ST6GALNAC3: variants seen among roughly 807,000 people sequenced by gnomAD.
ST6GALNAC3 encodes the protein alpha-N-acetylgalactosaminide alpha-2,6-sialyltransferase 3.
Under a neutral mutation model 32.7 loss-of-function variants are expected in ST6GALNAC3, and 25 were observed. The observed-to-expected ratio is 0.76, with a 90% CI of 0.56 to 1.07. The LOEUF is 1.07. Ranked by LOEUF, ST6GALNAC3 falls within the 50% of genes least tolerant of loss-of-function variation. The probability of loss-of-function intolerance (pLI) is 0.00; values close to 1 mark genes in which losing one functional copy is unlikely to be tolerated. For missense variants in ST6GALNAC3, 355 were observed against 382.4 expected (o/e 0.93, Z 0.60); for synonymous variants, 129 against 133.1 (o/e 0.97, Z 0.21).
At chr1:76,438,152 CTT>C (rs201668914) in intron 3 of ST6GALNAC3, among the ~76,000 whole-genome samples, 4 of 144,858 alleles carry the variant, frequency 2.8e-5, no homozygotes, top group Admixed American at 6.9e-5. Flanking sequence ...CATATTCTGA[CTT>C]TTTTTTTTTT....
At chr1:76,270,199 C>T (rs1268093561) in intron 1 of ST6GALNAC3, among the ~76,000 whole-genome samples, 1 of 152,124 alleles carries the variant, frequency 6.6e-6, no homozygotes, top group Non-Finnish European at 1.5e-5. Flanking sequence ...GGTATATTTA[C>T]TTGACAAAAT....
At chr1:76,208,481 T>C (rs1654957698) in intron 1 of ST6GALNAC3, among the ~76,000 whole-genome samples, 2 of 152,234 alleles carry the variant, frequency 1.3e-5, no homozygotes, top group African/African-American at 4.8e-5. Context: ...ACTTAAACCA[T>C]GTGCCTCTGT....
chr1:76,318,115 TAA>T (rs922734703), intron 2 of ST6GALNAC3, among the ~76,000 whole-genome samples: 8 of 128,798 alleles, frequency 6.2e-5, no homozygotes, highest in South Asian at 2.5e-4. Context: ...AAAATTAAAA[TAA>T]AAGGAACACA....
chr1:76,268,427 T>A (rs1487512936), intron 1 of ST6GALNAC3, among the ~76,000 whole-genome samples: 1 of 152,190 alleles, frequency 6.6e-6, no homozygotes, highest in Non-Finnish European at 1.5e-5. Flanking sequence ...CCAGGGGGAC[T>A]GAGACTGCCA....
At chr1:76,183,205 T>C (rs1052477135) in intron 1 of ST6GALNAC3, among the ~76,000 whole-genome samples, 3 of 152,192 alleles carry the variant, frequency 2.0e-5, no homozygotes, top group African/African-American at 7.2e-5. Context: ...TCTTTGTAGA[T>C]TGACTCATCT....
At chr1:76,300,579 A>G (rs964707640) in intron 1 of ST6GALNAC3, among the ~76,000 whole-genome samples, 1 of 152,028 alleles carries the variant, frequency 6.6e-6, no homozygotes, top group Non-Finnish European at 1.5e-5. Flanking sequence ...GCCTAAGGAC[A>G]GCTAAGTGCT....
chr1:76,487,247 C>T lies in ST6GALNAC3; in HGVS notation c.623+74830C>T, dbSNP rs143787711. Reference sequence around the variant, plus strand: ...AGGAGTATCTTTGTGGTGTTTTCTGCATTTCCTGAATTTGAATGTTGGCCT... The same window carrying T: ...AGGAGTATCTTTGTGGTGTTTTCTGTATTTCCTGAATTTGAATGTTGGCCT... On this transcript the variant is annotated intron_variant, in intron 3 of 4. Transcript: ENST00000328299. Among the ~76,000 whole-genome samples, 416 of 152,156 alleles carry T rather than the reference C, an allele frequency of 2.7e-3. 1 individual carries two copies. Among genetic ancestry groups the T allele is most frequent in the African/African-American group, 9.6e-3 (400 of 41,518 alleles).
intron 3 of ST6GALNAC3, among the ~76,000 whole-genome samples, chr1:76,513,047 T>G (rs769409912): frequency 6.6e-6 from 1 of 152,150 alleles, no homozygotes; most frequent in Non-Finnish European, 1.5e-5. Flanking sequence ...TTGTCGAATG[T>G]ATAGTTTACA....
chr1:76,570,886 T>C (rs770188542), intron 3 of ST6GALNAC3, among the ~76,000 whole-genome samples: 1 of 152,022 alleles, frequency 6.6e-6, no homozygotes, highest in Non-Finnish European at 1.5e-5. Flanking sequence ...TGTCCTTAGG[T>C]GCCACTTCTT....
chr1:76,352,824 A>T (rs540482701), intron 2 of ST6GALNAC3, among the ~76,000 whole-genome samples: 1 of 152,142 alleles, frequency 6.6e-6, no homozygotes. Flanking sequence ...CCATTCACTC[A>T]GTTTCTTAAG....
chr1:76,189,605 C>T (rs143837069), intron 1 of ST6GALNAC3, among the ~76,000 whole-genome samples: 1 of 151,968 alleles, frequency 6.6e-6, no homozygotes. Context: ...AAGAGTAAAT[C>T]CAATAACAAC....
At chr1:76,426,892 T>C (rs1351134250) in intron 3 of ST6GALNAC3, among the ~76,000 whole-genome samples, 1 of 151,686 alleles carries the variant, frequency 6.6e-6, no homozygotes, top group Non-Finnish European at 1.5e-5. Context: ...CATCTCTGAC[T>C]GAAATGTCAC....
rs187195490 is a variant in ST6GALNAC3 at position 76,630,335 on chromosome 1, C to T, written c.*1529C>T. Reference sequence around the variant, plus strand: ...GTTTTTCTATATACGTATATATACACGTGTGGTTCTATTTAGGTGGGGAAA... The same window carrying T: ...GTTTTTCTATATACGTATATATACATGTGTGGTTCTATTTAGGTGGGGAAA... On this transcript the variant is annotated 3_prime_UTR_variant, in exon 5 of 5. Transcript: ENST00000328299. 5.3e-5 allele frequency: 52 copies of T among 984,922 alleles called. No homozygotes were observed. Among genetic ancestry groups the T allele is most frequent in the Admixed American group, 2.5e-4 (4 of 16,228 alleles). 61.0% of individuals were successfully genotyped at this position (984,922 alleles called of 1,614,324 possible). A position where few individuals can be genotyped will look rare whatever the true frequency, so the allele number is the denominator to read the frequency against.
intron 2 of ST6GALNAC3, among the ~76,000 whole-genome samples, chr1:76,373,120 G>A (rs1041576941): frequency 8.6e-5 from 13 of 151,972 alleles, no homozygotes; most frequent in Non-Finnish European, 5.9e-5. Flanking sequence ...GATAACAGAT[G>A]GTAACAGGAA....
At position 76,525,787 on chromosome 1, in the gene ST6GALNAC3, GTGTGTATATA is replaced by G. The variant is rs1303192526; in HGVS notation, c.624-101663_624-101654del. 7.3e-3 allele frequency among the ~76,000 whole-genome samples: 519 copies of G among 71,380 alleles called. 8 individuals are homozygous for G. Among genetic ancestry groups the G allele is most frequent in the Admixed American group, 0.046 (291 of 6,314 alleles). 46.8% of individuals were successfully genotyped at this position (71,380 alleles called of 152,430 possible). A position where few individuals can be genotyped will look rare whatever the true frequency, so the allele number is the denominator to read the frequency against. ...TATGTGTGTTTGTGTGTGTGTGTGT[GTGTGTATATA>G]TATATATATATATATATATATATAT... On this transcript the variant is annotated intron_variant, in intron 3 of 4. Coordinates refer to ENST00000328299, the MANE Select transcript of ST6GALNAC3 (RefSeq NM_152996.4).
At chr1:76,251,920 T>A (rs1657640455) in intron 1 of ST6GALNAC3, among the ~76,000 whole-genome samples, 4 of 152,114 alleles carry the variant, frequency 2.6e-5, no homozygotes, top group African/African-American at 9.7e-5. Context: ...AGGAAGGAAT[T>A]TGCTGAACTA....
At chr1:76,525,379 T>C (rs562096979) in intron 3 of ST6GALNAC3, among the ~76,000 whole-genome samples, 14 of 152,180 alleles carry the variant, frequency 9.2e-5, no homozygotes, top group Non-Finnish European at 1.6e-4. Flanking sequence ...CTTTTTGCAA[T>C]TCAAATATAC....
At chr1:76,075,754 T>C (rs2100706312) in intron 1 of ST6GALNAC3, among the ~76,000 whole-genome samples, 1 of 151,978 alleles carries the variant, frequency 6.6e-6, no homozygotes, top group African/African-American at 2.4e-5. Flanking sequence ...ATAACCTGGA[T>C]GCATGAATCA....
intron 3 of ST6GALNAC3, among the ~76,000 whole-genome samples, chr1:76,564,550 C>T (rs1010299330): frequency 2.0e-5 from 3 of 151,146 alleles, no homozygotes; most frequent in African/African-American, 7.3e-5. Flanking sequence ...ACAAACCAGG[C>T]TCAAATATGC....
Sources: allele counts gnomAD v4.1 joint callset (sites outside exome capture counted in the v4.1 genomes callset), GRCh38; gene constraint gnomAD v4.1.1; transcripts MANE v1.5; gene names NCBI Gene and HGNC (gene_info 2026-07-23, HGNC 2026-07-21).